The following GINS4 variants were observed in gnomAD, a reference collection of about 807,000 sequenced individuals.
GINS4 encodes GINS complex subunit 4.
Under a neutral mutation model 31.1 loss-of-function variants are expected in GINS4, and 20 were observed. That is an observed-to-expected ratio of 0.64 (90% CI 0.45 to 0.93). The LOEUF (loss-of-function observed/expected upper bound fraction) is 0.93, where lower values mean the gene tolerates loss of function less well. GINS4 is among the 40% of genes least tolerant of loss of function. GINS4 has a pLI of 0.00. For synonymous variants in GINS4, 85 were observed against 97.9 expected (o/e 0.87, Z 0.78); for missense variants, 245 against 273.9 (o/e 0.89, Z 0.75).
chr8:41,536,108 GAAGT>G lies in GINS4; in HGVS notation c.97-248_97-245del, dbSNP rs537486154. On this transcript the variant is annotated intron_variant, in intron 2 of 7. Transcript: ENST00000276533. Reference sequence around the variant, plus strand: ...CTCAGCACCAAGCGTCACACTAACTGAAGTAAGCAAGGGTTTGTATGAGTGTCAG... The same window carrying G: ...CTCAGCACCAAGCGTCACACTAACTGAAGCAAGGGTTTGTATGAGTGTCAG... Among the ~76,000 whole-genome samples, 593 of 152,340 alleles carry G rather than the reference GAAGT, an allele frequency of 3.9e-3. 1 individual carries two copies. The highest frequency in any genetic ancestry group is 0.034 in the Middle Eastern group (10 of 294).
chr8:41,540,831 C>T (rs1806827792), intron 6 of GINS4, among the ~76,000 whole-genome samples: 1 of 152,192 alleles, frequency 6.6e-6, no homozygotes, highest in South Asian at 2.1e-4. Flanking sequence ...GGTGGTGGAA[C>T]AGGGTCTTAG....
In GINS4 at chr8:41,536,464, TG is replaced by T; in HGVS notation, c.183+21del. On this transcript the variant is annotated intron_variant, in intron 3 of 7. Coordinates refer to ENST00000276533, the MANE Select transcript of GINS4 (RefSeq NM_032336.3). ...AGCACATGGTAAGAGTCGCTTGTCTTGGGTTGACAAAGGAGGAGAAAGGTAA... is the reference window on the plus strand; with the variant it reads ...AGCACATGGTAAGAGTCGCTTGTCTTGGTTGACAAAGGAGGAGAAAGGTAA... The T allele has an allele frequency of 1.3e-6, 2 of 1,502,946 alleles. No individual in the cohort carries two copies. Among genetic ancestry groups the T allele is most frequent in the Non-Finnish European group, 1.9e-6 (2 of 1,078,944 alleles). The allele number at this position is 1,502,946 out of a possible 1,614,324, so 93.1% of individuals were successfully genotyped here.
chr8:41,536,474 A>G, intron 3 of GINS4, 28 bp downstream of exon 3: 2 of 1,335,120 alleles, frequency 1.5e-6, no homozygotes, highest in Non-Finnish European at 2.2e-6. Flanking sequence ...TGGGTTGACA[A>G]AGGAGGAGAA....
chr8:41,533,771 T>C (rs1452537368), intron 2 of GINS4, among the ~76,000 whole-genome samples: 1 of 152,214 alleles, frequency 6.6e-6, no homozygotes, highest in Non-Finnish European at 1.5e-5. Context: ...GTGGCTTAAA[T>C]AGAAATTTAT....
intron 1 of GINS4, chr8:41,529,832 T>TGA (rs1339905588): frequency 1.1e-5 from 2 of 175,846 alleles, no homozygotes; most frequent in African/African-American, 2.4e-5. Flanking sequence ...TGCCAGGCAC[T>TGA]GAGCAGAGGC....
chr8:41,534,867 C>CTTTTTTTTTTTTTT (rs1806715341), intron 2 of GINS4, among the ~76,000 whole-genome samples: 1 of 151,874 alleles, frequency 6.6e-6, no homozygotes, highest in Admixed American at 6.6e-5. Context: ...GTAGCTGGGA[C>CTTTTTTTTTTTTTT]TACAGGCGTG....
In GINS4 at chr8:41,541,856, C is replaced by T. The variant is rs556997519; in HGVS notation, c.532C>T (p.Arg178Ter). 18 of 1,614,080 alleles carry T rather than the reference C, an allele frequency of 1.1e-5. No homozygotes were observed. The highest frequency in any genetic ancestry group is 3.3e-5 in the South Asian group (3 of 91,078). ...DSYVFLRVRE[R>*]QENILVEPDT... is the part of the protein sequence containing the mutation. Reference sequence around the variant, plus strand: ...TTACGTGTTTCTGAGAGTGAGAGAACGACAAGAAAACATACTGGTAGAACC... The same window carrying T: ...TTACGTGTTTCTGAGAGTGAGAGAATGACAAGAAAACATACTGGTAGAACC... The change falls in exon 7 of 8, where the codon CGA becomes TGA. Residue 178 changes from arginine (R) to a stop codon, truncating the protein, a stop_gained. Coordinates refer to ENST00000276533, the MANE Select transcript of GINS4 (RefSeq NM_032336.3). LOFTEE classifies it high-confidence loss of function.
chr8:41,537,544 T>G (rs2150459757), intron 4 of GINS4: 1 of 406,016 alleles, frequency 2.5e-6, no homozygotes, highest in South Asian at 3.8e-5. Flanking sequence ...AGTGAGTGGT[T>G]CCCCCTTGCG....
At chr8:41,536,336 CT>C in intron 2 of GINS4, 23 bp from the exon 3 acceptor site, 2 of 1,504,198 alleles carry the variant, frequency 1.3e-6, no homozygotes, top group Non-Finnish European at 1.9e-6. Context: ...GTGATGCTTG[CT>C]TTTTCTGGCA....
rs1437300428 is a variant in GINS4 at position 41,542,622 on chromosome 8, G to A, written c.*535G>A. The A allele has an allele frequency of 1.9e-5, 3 of 156,752 alleles. No homozygotes were observed. The highest frequency in any genetic ancestry group is 7.2e-5 in the African/African-American group (3 of 41,514). 9.7% of individuals were successfully genotyped at this position (156,752 alleles called of 1,614,324 possible). Reference sequence around the variant, plus strand: ...AGATCGTGCCATTGCACTCTAGCCTGGGCGACAGAGCGAGACTCCATTTCC... The same window carrying A: ...AGATCGTGCCATTGCACTCTAGCCTAGGCGACAGAGCGAGACTCCATTTCC... On this transcript the variant is annotated 3_prime_UTR_variant, in exon 8 of 8. Transcript: ENST00000276533.
Position 41,540,564 on chromosome 8 carries a change from G to A in GINS4, c.484+560G>A, listed in dbSNP as rs777847775. 2.0e-4 allele frequency among the ~76,000 whole-genome samples: 31 copies of A among 152,300 alleles called. No individual in the cohort carries two copies. The Middle Eastern group carries it at 0.014, about 67-fold the overall frequency. On this transcript the variant is annotated intron_variant, in intron 6 of 7. Transcript: ENST00000276533. ...CCGGAGCCCCTCCTCGGGCTTCTTCGCACCAGCCCCTGAGGGCTGCCGAGC... is the reference window on the plus strand; with the variant it reads ...CCGGAGCCCCTCCTCGGGCTTCTTCACACCAGCCCCTGAGGGCTGCCGAGC...
chr8:41,545,022 AT>A lies in GINS4; in HGVS notation c.*2938del, dbSNP rs1413767343. 1 of 152,260 alleles carries A rather than the reference AT, an allele frequency of 6.6e-6. No homozygotes were observed. The highest frequency in any genetic ancestry group is 2.4e-5 in the African/African-American group (1 of 41,466). The allele number at this position is 152,260 out of a possible 1,614,324, so 9.4% of individuals were successfully genotyped here. A position where few individuals can be genotyped will look rare whatever the true frequency, so the allele number is the denominator to read the frequency against. ...CATTTTTAAATAAAGGAGAAGTTGAATTTCAAAACCAAGTGGAACAGGAAAT... is the reference window on the plus strand; with the variant it reads ...CATTTTTAAATAAAGGAGAAGTTGAATTCAAAACCAAGTGGAACAGGAAAT... On this transcript the variant is annotated 3_prime_UTR_variant, in exon 8 of 8. Transcript: ENST00000276533.
chr8:41,540,250 T>G, intron 6 of GINS4: 1 of 547,758 alleles, frequency 1.8e-6, no homozygotes, highest in Non-Finnish European at 3.3e-6. Context: ...GCTTGTAGAC[T>G]CGGGCATGGA....
intron 6 of GINS4, 107 bp downstream of exon 6, chr8:41,540,111 A>G (rs963844658): frequency 1.4e-5 from 11 of 805,758 alleles, no homozygotes; most frequent in Non-Finnish European, 1.5e-5. Context: ...AAGTATGTAG[A>G]TAAACAGAAA....
Position 41,544,439 on chromosome 8 carries a change from G to T in GINS4, c.*2352G>T, listed in dbSNP as rs1806897906. 6.6e-6 allele frequency: 1 copy of T among 152,186 alleles called. No homozygotes were observed. The highest frequency in any genetic ancestry group is 2.1e-4 in the South Asian group (1 of 4,830). 9.4% of individuals were successfully genotyped at this position (152,186 alleles called of 1,614,324 possible). ...CCTGTAGTGCTAAGCCCAGAGACCT[G>T]AGCTGTTAACCTAGAACAGTGTGCT... On this transcript the variant is annotated 3_prime_UTR_variant, in exon 8 of 8. Transcript: ENST00000276533.
Position 41,539,994 on chromosome 8 carries a change from C to T in GINS4, c.474C>T (p.Leu158=). 1 of 1,613,548 alleles carries T rather than the reference C, an allele frequency of 6.2e-7. No individual in the cohort carries two copies. Among genetic ancestry groups the T allele is most frequent in the Non-Finnish European group, 8.5e-7 (1 of 1,179,434 alleles). ...CCCCTAACTTACAGAAGGTGGACCT[C>T]TTTCGGGCAGGTAAACAGGACGTTC... ...HMPPNLQKVD[L]FRAVPKPDLD... Residue 158 remains leucine, a synonymous_variant, in exon 6 of 8, where the codon CTC becomes CTT. Transcript: ENST00000276533.
At position 41,544,817 on chromosome 8, in the gene GINS4, C is replaced by A. The variant is rs148942172; in HGVS notation, c.*2730C>A. ...CAGGATCCTGCCTTTCTAAGGAGCT[C>A]CCATGTTGTGCAGTTGCTGCTGGCC... On this transcript the variant is annotated 3_prime_UTR_variant, in exon 8 of 8. Transcript: ENST00000276533. 2.1e-3 allele frequency: 321 copies of A among 152,208 alleles called. 1 individual carries two copies. The highest frequency in any genetic ancestry group is 7.6e-3 in the African/African-American group (316 of 41,516). 9.4% of individuals were successfully genotyped at this position (152,208 alleles called of 1,614,324 possible).
chr8:41,530,833 A>G (rs1008068483), intron 2 of GINS4, among the ~76,000 whole-genome samples: 1 of 152,174 alleles, frequency 6.6e-6, no homozygotes, highest in African/African-American at 2.4e-5. Flanking sequence ...TGTGCCAGTA[A>G]CTGTGTTCTT....
intron 2 of GINS4, among the ~76,000 whole-genome samples, chr8:41,532,740 G>A (rs902304593): frequency 6.6e-6 from 1 of 151,574 alleles, no homozygotes; most frequent in African/African-American, 2.4e-5. Flanking sequence ...GGTTGAGGCA[G>A]GAGAATCTCT....
Sources: gnomAD v4.1 joint callset for allele counts (sites outside exome capture counted in the v4.1 genomes callset) on GRCh38, gnomAD v4.1.1 for gene constraint, MANE v1.5 for transcripts, NCBI Gene and HGNC (gene_info 2026-07-23, HGNC 2026-07-21) for gene names.